The following GPATCH8 variants were observed in gnomAD, a reference collection of about 807,000 sequenced individuals.
The protein encoded by GPATCH8 is G patch domain-containing protein 8.
A neutral mutation model predicts 118.3 loss-of-function variants in GPATCH8; 18 were observed. The observed-to-expected ratio is 0.15, with a 90% CI of 0.11 to 0.23. The LOEUF (loss-of-function observed/expected upper bound fraction) is 0.23. Ranked by LOEUF, GPATCH8 falls within the 10% of genes least tolerant of loss-of-function variation. The probability of loss-of-function intolerance (pLI) is 1.00; values close to 1 mark genes in which losing one functional copy is unlikely to be tolerated. For synonymous variants in GPATCH8, 659 were observed against 684.7 expected, an observed-to-expected ratio of 0.96 and a Z score of 0.59; for missense variants, 1,631 against 1,873.8, an observed-to-expected ratio of 0.87 and a Z score of 2.39.
intron 7 of GPATCH8, among the ~76,000 whole-genome samples, chr17:44,403,738 G>C (rs1016215631): frequency 2.0e-5 from 3 of 150,408 alleles, no homozygotes; most frequent in East Asian, 3.9e-4. Context: ...TTGTTGCCCC[G>C]GCTGGAGTGC....
chr17:44,490,214 G>A lies in GPATCH8; in HGVS notation c.45+13112C>T, dbSNP rs138837608. ...TCTCAGCTATTCAAGAGCCTGAGTG[G>A]GGAGGATCCCTTGAGTCCAGGAGTT... On this transcript the variant is annotated intron_variant, in intron 1 of 7. Transcript: ENST00000591680. Among the ~76,000 whole-genome samples, 561 of 152,014 alleles carry A rather than the reference G, an allele frequency of 3.7e-3. 8 individuals carry two copies. Among genetic ancestry groups the A allele is most frequent in the Admixed American group, 0.023 (347 of 15,264 alleles).
intron 1 of GPATCH8, among the ~76,000 whole-genome samples, chr17:44,491,268 A>G (rs1026300398): frequency 6.6e-6 from 1 of 152,180 alleles, no homozygotes; most frequent in Non-Finnish European, 1.5e-5. Context: ...AGGCAGGTGG[A>G]TCACAAGGTC....
rs545279144 is a variant in GPATCH8, at chr17:44,398,780, T to C, written c.3297A>G (p.Ser1099=). 2 of 1,613,674 alleles carry C rather than the reference T, an allele frequency of 1.2e-6. No homozygotes were observed. The highest frequency in any genetic ancestry group is 2.7e-5 in the African/African-American group (2 of 75,014). ...TAKLLLEKIQ[S]RKVERKPSVS... ...CACTAGGTTTCCTCTCCACTTTCCT[T>C]GACTGGATCTTCTCCAGTAGCAGTT... The change falls in exon 8 of 8, where the codon TCA becomes TCG. Residue 1099 remains serine (S), a synonymous_variant. Coordinates refer to ENST00000591680, the MANE Select transcript of GPATCH8 (RefSeq NM_001002909.4).
In GPATCH8 at chr17:44,400,002, T is replaced by C. The variant is rs780530316; in HGVS notation, c.2075A>G (p.Lys692Arg). The part of the protein sequence containing the change: ...KKSSKHKRKH[K>R]ADTEEKSSKA... Reference sequence around the variant, plus strand: ...AGAGCTTTTCTCTTCTGTGTCAGCCTTGTGTTTACGTTTGTGTTTGCTGGA... The same window carrying C: ...AGAGCTTTTCTCTTCTGTGTCAGCCCTGTGTTTACGTTTGTGTTTGCTGGA... Residue 692 changes from lysine (K) to arginine (R), a missense_variant, in exon 8 of 8, where the codon AAG becomes AGG. By Grantham distance (26) the Lys-to-Arg change is conservative (BLOSUM62 2). This residue lies in a region of GPATCH8 where 922 missense variants were observed against 879.7 expected (regional missense o/e 1.05). Transcript: ENST00000591680. 5.0e-6 allele frequency: 8 copies of C among 1,614,120 alleles called. No individual in the cohort carries two copies. The Admixed American group carries it at 1.3e-4, about 27-fold the overall frequency.
intron 2 of GPATCH8, among the ~76,000 whole-genome samples, chr17:44,469,490 T>C (rs1198182483): frequency 6.6e-6 from 1 of 152,184 alleles, no homozygotes; most frequent in Non-Finnish European, 1.5e-5. Flanking sequence ...CGGCCTATTA[T>C]GTCTCAAGAG....
At chr17:44,426,208 CA>C (rs1215977901) in intron 5 of GPATCH8, among the ~76,000 whole-genome samples, 1 of 152,162 alleles carries the variant, frequency 6.6e-6, no homozygotes, top group Non-Finnish European at 1.5e-5. Flanking sequence ...CTGGGAAGAA[CA>C]AAGGGATGAA....
rs187535405 is a variant in GPATCH8, at chr17:44,492,496, T to C, written c.45+10830A>G. Among the ~76,000 whole-genome samples, 836 of 151,660 alleles carry C rather than the reference T, an allele frequency of 5.5e-3. 11 individuals are homozygous for C. The highest frequency in any genetic ancestry group is 0.019 in the African/African-American group (805 of 41,336). ...CTGAGGCAGGAGAATGGCGTGAACC[T>C]GGGAGGCGGAGCTTGCAGTGAGCCG... On this transcript the variant is annotated intron_variant, in intron 1 of 7. Transcript: ENST00000591680.
chr17:44,442,201 A>G (rs1480235141), intron 3 of GPATCH8, among the ~76,000 whole-genome samples: 1 of 127,672 alleles, frequency 7.8e-6, no homozygotes, highest in African/African-American at 2.7e-5. Flanking sequence ...GGCACTGCAT[A>G]TAGTGATGAT....
chr17:44,480,148 G>A (rs968162360), intron 1 of GPATCH8, among the ~76,000 whole-genome samples: 2 of 151,994 alleles, frequency 1.3e-5, no homozygotes, highest in Non-Finnish European at 1.5e-5. Flanking sequence ...TTTAAAGTGG[G>A]CATAAGATTT....
At chr17:44,442,506 C>G (rs1292708051) in intron 3 of GPATCH8, among the ~76,000 whole-genome samples, 1 of 152,128 alleles carries the variant, frequency 6.6e-6, no homozygotes, top group Non-Finnish European at 1.5e-5. Context: ...GCTAAGTCAC[C>G]CAGGCTGGAG....
At chr17:44,451,971 G>A (rs12935998) in intron 3 of GPATCH8, among the ~76,000 whole-genome samples, 4,972 of 152,142 alleles carry the variant, frequency 0.033, 256 homozygotes, top group African/African-American at 0.11. Context: ...CCACTTATCT[G>A]CTGTAAGATC....
intron 5 of GPATCH8, 78 bp from the exon 6 acceptor site, chr17:44,424,570 C>CAA: frequency 1.6e-5 from 17 of 1,080,626 alleles, no homozygotes; most frequent in Non-Finnish European, 2.4e-5. Context: ...AGAAAACAGT[C>CAA]TATCTGAGAA....
intron 3 of GPATCH8, among the ~76,000 whole-genome samples, chr17:44,454,587 T>C (rs376183863): frequency 2.0e-5 from 3 of 152,150 alleles, no homozygotes; most frequent in East Asian, 3.9e-4. Context: ...ATCCCTTTCA[T>C]CTTTATATTT....
intron 1 of GPATCH8, among the ~76,000 whole-genome samples, chr17:44,476,807 A>G (rs2144392032): frequency 6.6e-6 from 1 of 152,342 alleles, no homozygotes; most frequent in East Asian, 1.9e-4. Flanking sequence ...ACTGCAACTA[A>G]AATAAGTAAA....
intron 6 of GPATCH8, among the ~76,000 whole-genome samples, chr17:44,416,006 A>G (rs1436936261): frequency 1.3e-5 from 2 of 152,134 alleles, no homozygotes; most frequent in Non-Finnish European, 2.9e-5. Context: ...TTTTTTCAAC[A>G]GTTTTGTTGT....
chr17:44,498,916 T>C lies in GPATCH8; in HGVS notation c.45+4410A>G, dbSNP rs150422334. Among the ~76,000 whole-genome samples the C allele has an allele frequency of 3.9e-5, 6 of 152,366 alleles. No individual in the cohort carries two copies. The East Asian group carries it at 1.2e-3, about 29-fold the overall frequency. ...TAAAACTATGAACCTCTTCACTTAA[T>C]AGTCTCAACTAAGAATTTCCTAAGG... On this transcript the variant is annotated intron_variant, in intron 1 of 7. Coordinates refer to ENST00000591680, the MANE Select transcript of GPATCH8 (RefSeq NM_001002909.4).
chr17:44,495,071 A>T (rs1001742589), intron 1 of GPATCH8, among the ~76,000 whole-genome samples: 8 of 152,128 alleles, frequency 5.3e-5, no homozygotes, highest in Non-Finnish European at 1.0e-4. Context: ...ACGGTGGCTC[A>T]CACCTGTAAT....
intron 5 of GPATCH8, among the ~76,000 whole-genome samples, chr17:44,428,542 C>T (rs1435567700): frequency 6.6e-6 from 1 of 150,828 alleles, no homozygotes; most frequent in Non-Finnish European, 1.5e-5. Flanking sequence ...GTGGCTCACA[C>T]CTGTAATCCC....
At chr17:44,434,470 G>A (rs2050427803) in intron 5 of GPATCH8, among the ~76,000 whole-genome samples, 1 of 152,188 alleles carries the variant, frequency 6.6e-6, no homozygotes, top group African/African-American at 2.4e-5. Context: ...CTGGGAAGCC[G>A]TGGCAGGCAG....
Sources: gnomAD v4.1 joint callset for allele counts (sites outside exome capture counted in the v4.1 genomes callset) on GRCh38, gnomAD v4.1.1 for gene constraint, gnomAD v4.1.1 regional missense constraint, MANE v1.5 for transcripts, NCBI Gene and HGNC (gene_info 2026-07-23, HGNC 2026-07-21) for gene names.